EPS8: variants seen among roughly 807,000 people sequenced by gnomAD.
EPS8 encodes the protein epidermal growth factor receptor kinase substrate 8.
EPS8 carries 42 observed loss-of-function variants against 103.8 expected under a neutral mutation model. The ratio of observed to expected loss-of-function variants is 0.40; its 90% CI spans 0.32 to 0.52. The LOEUF is 0.52. Among genes scored for constraint, EPS8 ranks in the 20% least tolerant of loss-of-function variants. The pLI is 0.40. For missense variants in EPS8, 969 were observed against 1,005.1 expected, an observed-to-expected ratio of 0.96 and a Z score of 0.49; for synonymous variants, 344 against 344.6, an observed-to-expected ratio of 1.00 and a Z score of 0.02.
chr12:15,777,311 C>A lies in EPS8; in HGVS notation c.-22+11850G>T, dbSNP rs1947217153. ...CACACACACAAAACAAAACAAAAAA[C>A]CAACAGCATATGTTCTAATATATGA... On this transcript the variant is annotated intron_variant, in intron 1 of 20. Coordinates refer to ENST00000281172, the MANE Select transcript of EPS8 (RefSeq NM_004447.6). This position sits in a 1 kb window ranked among gnomAD's most constrained non-coding sequence, Gnocchi z 4.7. 6.6e-6 allele frequency among the ~76,000 whole-genome samples: 1 copy of A among 151,450 alleles called. No individual in the cohort carries two copies. The highest frequency in any genetic ancestry group is 2.4e-5 in the African/African-American group (1 of 41,192).
intron 6 of EPS8, among the ~76,000 whole-genome samples, chr12:15,666,845 G>A (rs1446452639): frequency 6.6e-6 from 1 of 152,084 alleles, no homozygotes; most frequent in South Asian, 2.1e-4. Flanking sequence ...GAAATTAAGG[G>A]GTTAGAGGCT....
Position 15,771,866 on chromosome 12 carries a change from T to C in EPS8, c.-22+17295A>G, listed in dbSNP as rs182803760. The stretch of plus-strand genomic sequence containing the variant: ...AAGGCCGGGGGCGGTGGCTCATGCC[T>C]GTAATCACAGCACTTTGGGAGGCCG... On this transcript the variant is annotated intron_variant, in intron 1 of 20. Coordinates refer to ENST00000281172, the MANE Select transcript of EPS8 (RefSeq NM_004447.6). This position sits in a 1 kb window ranked among gnomAD's most constrained non-coding sequence, Gnocchi z 4.6. Among the ~76,000 whole-genome samples, 170 of 152,270 alleles carry C rather than the reference T, an allele frequency of 1.1e-3. No individual in the cohort carries two copies. Among genetic ancestry groups the C allele is most frequent in the African/African-American group, 3.9e-3 (162 of 41,548 alleles).
chr12:15,658,377 C>T (rs1945545194), intron 11 of EPS8, 120 bp downstream of exon 11: 2 of 770,344 alleles, frequency 2.6e-6, no homozygotes, highest in Non-Finnish European at 2.1e-6. Flanking sequence ...TCAAAACATA[C>T]ACACCCCCAC....
chr12:15,789,123 G>A lies in EPS8; in HGVS notation c.-22+38C>T, dbSNP rs1001259335. The A allele has an allele frequency of 1.6e-4, 24 of 152,164 alleles. No individual in the cohort carries two copies. The highest frequency in any genetic ancestry group is 1.0e-3 in the Admixed American group (16 of 15,292). 9.4% of individuals were successfully genotyped at this position (152,164 alleles called of 1,614,324 possible). On this transcript the variant is annotated intron_variant, in intron 1 of 20. Coordinates refer to ENST00000281172, the MANE Select transcript of EPS8 (RefSeq NM_004447.6). This position sits in a 1 kb window ranked among gnomAD's most constrained non-coding sequence, Gnocchi z 6.1. ...AAAATCGAGAAAGTCAAAGCCGCCG[G>A]ACCCCGGGACCGGCGCCTTTCGCCA...
chr12:15,752,008 A>C lies in EPS8; in HGVS notation c.-22+37153T>G, dbSNP rs142792337. Among the ~76,000 whole-genome samples the C allele has an allele frequency of 1.6e-3, 247 of 152,308 alleles. 3 individuals are homozygous for C. The highest frequency in any genetic ancestry group is 4.4e-3 in the African/African-American group (181 of 41,552). Reference sequence around the variant, plus strand: ...CCAAGGCAAAGTGCCAATACAGGAAATCAGTGACTGGATTTGAGGTATAGT... The same window carrying C: ...CCAAGGCAAAGTGCCAATACAGGAACTCAGTGACTGGATTTGAGGTATAGT... On this transcript the variant is annotated intron_variant, in intron 1 of 20. Coordinates refer to ENST00000281172, the MANE Select transcript of EPS8 (RefSeq NM_004447.6). The surrounding 1 kb of genome is among the most constrained non-coding windows in gnomAD (Gnocchi z 4.4).
intron 20 of EPS8, 21 bp downstream of exon 20, chr12:15,623,137 C>T (rs752787649): frequency 4.4e-6 from 7 of 1,593,424 alleles, no homozygotes; most frequent in Non-Finnish European, 6.0e-6. Context: ...AAAAACACCA[C>T]CTTAGGTTGA....
chr12:15,722,083 T>G (rs1946602458), intron 1 of EPS8, among the ~76,000 whole-genome samples: 2 of 151,858 alleles, frequency 1.3e-5, no homozygotes, highest in African/African-American at 4.8e-5. Flanking sequence ...GATTTCTCAT[T>G]GAAGCCTTCT....
At chr12:15,647,042 G>A in intron 15 of EPS8, 85 bp downstream of exon 15, 1 of 1,289,650 alleles carries the variant, frequency 7.8e-7, no homozygotes, top group Non-Finnish European at 1.1e-6. Flanking sequence ...AGAAGCAGTA[G>A]ACAATACAGA....
intron 20 of EPS8, among the ~76,000 whole-genome samples, 170 bp downstream of exon 20, chr12:15,622,988 T>C (rs1326960669): frequency 6.6e-6 from 1 of 152,198 alleles, no homozygotes; most frequent in Non-Finnish European, 1.5e-5. Flanking sequence ...TTATAACAAA[T>C]TAACCTTCTG....
At chr12:15,634,831 T>C (rs1216020242) in intron 17 of EPS8, 4 of 398,092 alleles carry the variant, frequency 1.0e-5, no homozygotes, top group South Asian at 1.3e-4. Context: ...TAAAATAATA[T>C]CAATTATAAT....
rs774600287 is a variant in EPS8, at chr12:15,624,419, C to G, written c.2045-12G>C. The G allele has an allele frequency of 1.9e-6, 3 of 1,539,822 alleles. No individual in the cohort carries two copies. The highest frequency in any genetic ancestry group is 2.5e-5 in the South Asian group (2 of 78,974). ...CTGAGATTTCCTTCCTAGACACCAACAGGGAGTAGGTTCTTTTTGAAAATC... is the reference window on the plus strand; with the variant it reads ...CTGAGATTTCCTTCCTAGACACCAAGAGGGAGTAGGTTCTTTTTGAAAATC... On this transcript the variant is annotated splice_polypyrimidine_tract_variant and intron_variant, in intron 18 of 20. Transcript: ENST00000281172.
chr12:15,632,987 T>C (rs1945075142), intron 17 of EPS8, among the ~76,000 whole-genome samples: 1 of 151,914 alleles, frequency 6.6e-6, no homozygotes, highest in Non-Finnish European at 1.5e-5. Context: ...AAGGAGTGTT[T>C]ATAATGCTGG....
chr12:15,697,327 T>C lies in EPS8; in HGVS notation c.-21-14355A>G, dbSNP rs1946256473. Among the ~76,000 whole-genome samples the C allele has an allele frequency of 6.6e-6, 1 of 152,186 alleles. No homozygotes were observed. Among genetic ancestry groups the C allele is most frequent in the African/African-American group, 2.4e-5 (1 of 41,438 alleles). ...CAAATGGTGGTACAAAATCAGGGCA[T>C]GAAGGAAAACTAAACTATTACAAAC... On this transcript the variant is annotated intron_variant, in intron 1 of 20. Transcript: ENST00000281172. This position sits in a 1 kb window ranked among gnomAD's most constrained non-coding sequence, Gnocchi z 5.6.
At position 15,781,627 on chromosome 12, in the gene EPS8, C is replaced by T. The variant is rs914423531; in HGVS notation, c.-22+7534G>A. On this transcript the variant is annotated intron_variant, in intron 1 of 20. Coordinates refer to ENST00000281172, the MANE Select transcript of EPS8 (RefSeq NM_004447.6). This position sits in a 1 kb window ranked among gnomAD's most constrained non-coding sequence, Gnocchi z 4.1. ...GCTTCTTGAAGACTACTGGTTCTAA[C>T]TTTAGTGCAACATTATAAATATTTC... 5 of 152,234 alleles carry T rather than the reference C, an allele frequency of 3.3e-5. No homozygotes were observed. Among genetic ancestry groups the T allele is most frequent in the African/African-American group, 1.2e-4 (5 of 41,460 alleles). The allele number at this position is 152,234 out of a possible 1,614,324, so 9.4% of individuals were successfully genotyped here. A position where few individuals can be genotyped will look rare whatever the true frequency, so the allele number is the denominator to read the frequency against.
At chr12:15,658,284 G>C in intron 11 of EPS8, 131 bp from the exon 12 acceptor site, 1 of 683,056 alleles carries the variant, frequency 1.5e-6, no homozygotes. Flanking sequence ...AGCATGGATA[G>C]AGTGAGAATA....
rs575922541 is a variant in EPS8, at chr12:15,769,948, T to G, written c.-22+19213A>C. On this transcript the variant is annotated intron_variant, in intron 1 of 20. Coordinates refer to ENST00000281172, the MANE Select transcript of EPS8 (RefSeq NM_004447.6). The surrounding 1 kb of genome is among the most constrained non-coding windows in gnomAD (Gnocchi z 4.6). ...TCATGTTTTTTTAATTAGGTTTTTT[T>G]TTTTCTTTTTTGAGACTAGGGTCTC... Among the ~76,000 whole-genome samples the G allele has an allele frequency of 1.3e-5, 2 of 152,112 alleles. No individual in the cohort carries two copies. Among genetic ancestry groups the G allele is most frequent in the African/African-American group, 4.8e-5 (2 of 41,520 alleles).
At chr12:15,625,692 C>G (rs1228340346) in intron 18 of EPS8, among the ~76,000 whole-genome samples, 1 of 152,152 alleles carries the variant, frequency 6.6e-6, no homozygotes, top group Non-Finnish European at 1.5e-5. Flanking sequence ...CAGGATACCA[C>G]AGTCTCCTCA....
intron 17 of EPS8, among the ~76,000 whole-genome samples, chr12:15,632,647 G>A (rs1945066997): frequency 6.6e-6 from 1 of 152,070 alleles, no homozygotes; most frequent in South Asian, 2.1e-4. Flanking sequence ...TTGGTAATCT[G>A]GTCCTTTGAT....
rs1946786286 is a variant in EPS8, at chr12:15,738,272, AC to A, written c.-22+50888del. 6.6e-6 allele frequency among the ~76,000 whole-genome samples: 1 copy of A among 152,076 alleles called. No homozygotes were observed. Among genetic ancestry groups the A allele is most frequent in the Non-Finnish European group, 1.5e-5 (1 of 67,982 alleles). On this transcript the variant is annotated intron_variant, in intron 1 of 20. Coordinates refer to ENST00000281172, the MANE Select transcript of EPS8 (RefSeq NM_004447.6). The surrounding 1 kb of genome is among the most constrained non-coding windows in gnomAD (Gnocchi z 6.2). ...TAAATGATCATTTAGAAACACACCC[AC>A]CCTGAGTGGCTAAGAAACCCTTTTG... is the stretch of plus-strand genomic sequence containing the variant.
Sources: allele counts gnomAD v4.1 joint callset (sites outside exome capture counted in the v4.1 genomes callset), GRCh38; gene constraint gnomAD v4.1.1; non-coding constraint Gnocchi (gnomAD v3.1); transcripts MANE v1.5; gene names NCBI Gene and HGNC (gene_info 2026-07-23, HGNC 2026-07-21).